DOC2B: variants seen among roughly 807,000 people sequenced by gnomAD.
The protein encoded by DOC2B is double C2-like domain-containing protein beta.
Under a neutral mutation model 28.9 loss-of-function variants are expected in DOC2B, and 21 were observed. That is an observed-to-expected ratio of 0.73 (90% CI 0.52 to 1.05). The LOEUF is 1.05. DOC2B is among the 50% of genes least tolerant of loss of function. The pLI is 0.00. For missense variants in DOC2B, 384 were observed against 421.1 expected (o/e 0.91, Z 0.77); for synonymous variants, 194 against 178.1 (o/e 1.09, Z -0.71).
intron 1 of DOC2B, among the ~76,000 whole-genome samples, chr17:173,294 A>G (rs150445500): frequency 1.9e-4 from 29 of 152,284 alleles, no homozygotes; most frequent in African/African-American, 6.7e-4. Flanking sequence ...GCAATCACTC[A>G]TAGCAGCTGT....
Position 181,435 on chromosome 17 carries a change from C to A in DOC2B, c.45G>T (p.Gln15His), listed in dbSNP as rs1174074794. The change falls in exon 1 of 9, where the codon CAG (glutamine) becomes CAT (histidine). Residue 15 changes from glutamine (Q) to histidine (H), a missense_variant. Coordinates refer to ENST00000613549, the MANE Select transcript of DOC2B (RefSeq NM_003585.5). This position sits in a 1 kb window ranked among gnomAD's most constrained non-coding sequence, Gnocchi z 7.0. The part of the protein sequence containing the change: ...RRGEKATISI[Q>H]EHMAIDVCPG... ...GGCACACGTCGATGGCCATATGCTC[C>A]TGGATGCTGATGGTCGCCTTCTCCC... is the stretch of plus-strand genomic sequence containing the variant. The A allele has an allele frequency of 8.5e-7, 1 of 1,171,780 alleles. No individual in the cohort carries two copies. The highest frequency in any genetic ancestry group is 3.4e-5 in the Admixed American group (1 of 29,810). 72.6% of individuals were successfully genotyped at this position (1,171,780 alleles called of 1,614,324 possible).
rs1055835490 is a variant in DOC2B at position 145,857 on chromosome 17, G to T, written c.*1584C>A. ...GGCTGTGGATCCTGGTTCCAGCTGT[G>T]TGGGGCCTGGAAGGCCCTGGGCAGG... On this transcript the variant is annotated 3_prime_UTR_variant, in exon 9 of 9. Coordinates refer to ENST00000613549, the MANE Select transcript of DOC2B (RefSeq NM_003585.5). 6,225 of 152,906 alleles carry T rather than the reference G, an allele frequency of 0.041. 166 individuals carry two copies. The highest frequency in any genetic ancestry group is 0.062 in the Non-Finnish European group (4,238 of 68,466). The allele number at this position is 152,906 out of a possible 1,614,324, so 9.5% of individuals were successfully genotyped here. A position where few individuals can be genotyped will look rare whatever the true frequency, so the allele number is the denominator to read the frequency against.
chr17:176,911 T>G (rs2040376382), intron 1 of DOC2B, among the ~76,000 whole-genome samples: 1 of 152,198 alleles, frequency 6.6e-6, no homozygotes, highest in Non-Finnish European at 1.5e-5. Flanking sequence ...AAGCCCCTGT[T>G]GGCTCCTCTA....
At chr17:179,091 G>C (rs2040403517) in intron 1 of DOC2B, among the ~76,000 whole-genome samples, 1 of 152,226 alleles carries the variant, frequency 6.6e-6, no homozygotes, top group Non-Finnish European at 1.5e-5. Flanking sequence ...GCTGGCCCTA[G>C]CTCAGTGGCA....
intron 7 of DOC2B, among the ~76,000 whole-genome samples, 176 bp downstream of exon 7, chr17:148,935 G>A (rs1057025775): frequency 4.1e-5 from 6 of 146,042 alleles, no homozygotes; most frequent in African/African-American, 1.5e-4. Flanking sequence ...GACAAGTCCT[G>A]CCAAGAGCTT....
intron 2 of DOC2B, among the ~76,000 whole-genome samples, chr17:166,693 G>A (rs1243551700): frequency 6.6e-6 from 1 of 151,690 alleles, no homozygotes; most frequent in Non-Finnish European, 1.5e-5. Context: ...CTCATGGTCT[G>A]ACACTCTTCT....
In DOC2B at chr17:143,120, T is replaced by C. The variant is rs1194592659; in HGVS notation, c.*4321A>G. ...CGACAGGTCCTGGTGCAAAATGTCT[T>C]GGGCTGCCTCAGTTTGAATCCTGCT... On this transcript the variant is annotated 3_prime_UTR_variant, in exon 9 of 9. Transcript: ENST00000613549. 6.6e-6 allele frequency: 1 copy of C among 152,180 alleles called. No homozygotes were observed. The highest frequency in any genetic ancestry group is 6.5e-5 in the Admixed American group (1 of 15,278). 9.4% of individuals were successfully genotyped at this position (152,180 alleles called of 1,614,324 possible). A position where few individuals can be genotyped will look rare whatever the true frequency, so the allele number is the denominator to read the frequency against.
At position 162,182 on chromosome 17, in the gene DOC2B, C is replaced by T. The variant is rs1555523345; in HGVS notation, c.537G>A (p.Lys179=). ...HLLPGASKAN[K]LRTKTLRNTL... ...TGTTACGGAGAGTTTTTGTTCTGAGCTTATTTGCCTGGAGAAGAGAAAAAT... is the reference window on the plus strand; with the variant it reads ...TGTTACGGAGAGTTTTTGTTCTGAGTTTATTTGCCTGGAGAAGAGAAAAAT... Residue 179 remains lysine, a synonymous_variant, in exon 4 of 9, where the codon AAG becomes AAA. Transcript: ENST00000613549. 4 of 1,551,058 alleles carry T rather than the reference C, an allele frequency of 2.6e-6. No homozygotes were observed. The highest frequency in any genetic ancestry group is 3.5e-6 in the Non-Finnish European group (4 of 1,146,436).
chr17:145,334 G>C lies in DOC2B; in HGVS notation c.*2107C>G, dbSNP rs2040011304. On this transcript the variant is annotated 3_prime_UTR_variant, in exon 9 of 9. Transcript: ENST00000613549. ...CCCCAGAGAGAGAAAGCGGCAGTCA[G>C]AGGACCTGGGTTTGAGTCCTGGTTC... 6.6e-6 allele frequency: 1 copy of C among 152,278 alleles called. No homozygotes were observed. The highest frequency in any genetic ancestry group is 1.5e-5 in the Non-Finnish European group (1 of 68,128). The allele number at this position is 152,278 out of a possible 1,614,324, so 9.4% of individuals were successfully genotyped here. A position where few individuals can be genotyped will look rare whatever the true frequency, so the allele number is the denominator to read the frequency against.
rs1208167873 is a variant in DOC2B at position 146,072 on chromosome 17, G to C, written c.*1369C>G. ...CAGATACTCTCAAGCCTCCTGGGGA[G>C]TCTCACTCAGGGGAGCAGACAGGCC... On this transcript the variant is annotated 3_prime_UTR_variant, in exon 9 of 9. Transcript: ENST00000613549. 6.6e-6 allele frequency: 1 copy of C among 152,240 alleles called. No homozygotes were observed. The highest frequency in any genetic ancestry group is 2.4e-5 in the African/African-American group (1 of 41,448). The allele number at this position is 152,240 out of a possible 1,614,324, so 9.4% of individuals were successfully genotyped here. A position where few individuals can be genotyped will look rare whatever the true frequency, so the allele number is the denominator to read the frequency against.
chr17:149,359 C>T (rs1419970925), intron 6 of DOC2B, among the ~76,000 whole-genome samples, 167 bp from the exon 7 acceptor site: 4 of 152,212 alleles, frequency 2.6e-5, no homozygotes, highest in East Asian at 1.9e-4. Flanking sequence ...AAAGGCGAGA[C>T]GTTGTTTTCG....
At chr17:165,934 C>T (rs1466145377) in intron 2 of DOC2B, among the ~76,000 whole-genome samples, 3 of 152,220 alleles carry the variant, frequency 2.0e-5, no homozygotes, top group African/African-American at 4.8e-5. Flanking sequence ...TTTCCTGACA[C>T]GTTTCACTTA....
Position 159,348 on chromosome 17 carries a change from A to G in DOC2B, c.765+2067T>C, listed in dbSNP as rs531088339. 4.8e-4 allele frequency among the ~76,000 whole-genome samples: 73 copies of G among 151,350 alleles called. 1 individual carries two copies. The highest frequency in any genetic ancestry group is 6.0e-4 in the Non-Finnish European group (41 of 67,800). On this transcript the variant is annotated intron_variant, in intron 5 of 8. Coordinates refer to ENST00000613549, the MANE Select transcript of DOC2B (RefSeq NM_003585.5). ...TCTACTAAAAATACCAAAATTAGCC[A>G]GGCGTGGTGGCGCACACCTGTAATC...
chr17:175,632 A>G (rs2040361489), intron 1 of DOC2B, among the ~76,000 whole-genome samples: 1 of 152,232 alleles, frequency 6.6e-6, no homozygotes, highest in Admixed American at 6.5e-5. Flanking sequence ...TGGCTGGTCC[A>G]TTCAAACCAA....
chr17:143,919 C>A lies in DOC2B; in HGVS notation c.*3522G>T. On this transcript the variant is annotated 3_prime_UTR_variant, in exon 9 of 9. Transcript: ENST00000613549. ...GCCAGAGTCCATGCATCGGGAGGTT[C>A]ACTCGGTTTGCGAAGGAACAACGGG... 6.6e-6 allele frequency: 1 copy of A among 152,320 alleles called. No homozygotes were observed. The highest frequency in any genetic ancestry group is 2.1e-4 in the South Asian group (1 of 4,878). 9.4% of individuals were successfully genotyped at this position (152,320 alleles called of 1,614,324 possible).
At position 172,596 on chromosome 17, in the gene DOC2B, A is replaced by G. The variant is rs1041106119; in HGVS notation, c.394T>C (p.Phe132Leu). 6.4e-7 allele frequency: 1 copy of G among 1,550,804 alleles called. No homozygotes were observed. Among genetic ancestry groups the G allele is most frequent in the Non-Finnish European group, 8.7e-7 (1 of 1,146,534 alleles). Residue 132 changes from phenylalanine (F) to leucine (L), a missense_variant, in exon 2 of 9, where the codon TTC becomes CTC. Coordinates refer to ENST00000613549, the MANE Select transcript of DOC2B (RefSeq NM_003585.5). ...DDCTALGTLD[F>L]SLLYDQENNA... ...TTCTCCTGGTCATACAGCAGGCTGAAGTCCAGCGTGCCCAGGGCAGCTGCG... is the reference window on the plus strand; with the variant it reads ...TTCTCCTGGTCATACAGCAGGCTGAGGTCCAGCGTGCCCAGGGCAGCTGCG...
At chr17:160,965 C>T (rs1161831233) in intron 5 of DOC2B, among the ~76,000 whole-genome samples, 1 of 152,122 alleles carries the variant, frequency 6.6e-6, no homozygotes, top group Non-Finnish European at 1.5e-5. Context: ...CAGCAAACAG[C>T]CCCTCAGGCT....
intron 1 of DOC2B, among the ~76,000 whole-genome samples, chr17:177,719 T>C (rs966256992): frequency 6.6e-6 from 1 of 152,228 alleles, no homozygotes. Flanking sequence ...TGCCACATAG[T>C]TGGTGCCGTA....
chr17:181,527 C>T lies in DOC2B; in HGVS notation c.-48G>A. ...GGGCGCGGCCCGGCCCGGCGCGACC[C>T]CGGCCCGGGGGCGGCTCAGCAGGCC... On this transcript the variant is annotated 5_prime_UTR_variant, in exon 1 of 9. Transcript: ENST00000613549. This position sits in a 1 kb window ranked among gnomAD's most constrained non-coding sequence, Gnocchi z 7.0. 3.1e-6 allele frequency: 3 copies of T among 969,236 alleles called. No individual in the cohort carries two copies. Among genetic ancestry groups the T allele is most frequent in the Non-Finnish European group, 2.4e-6 (2 of 817,246 alleles). 60.0% of individuals were successfully genotyped at this position (969,236 alleles called of 1,614,324 possible).
Sources: allele counts gnomAD v4.1 joint callset (sites outside exome capture counted in the v4.1 genomes callset), GRCh38; gene constraint gnomAD v4.1.1; non-coding constraint Gnocchi (gnomAD v3.1); transcripts MANE v1.5; gene names NCBI Gene and HGNC (gene_info 2026-07-23, HGNC 2026-07-21).